NELL1: variants seen among roughly 807,000 people sequenced by gnomAD.
NELL1 encodes neural EGFL like 1, also known as protein kinase C-binding protein NELL1.
In NELL1, 76 loss-of-function variants were observed where a neutral mutation model predicts 107.4. That is an observed-to-expected ratio of 0.71 (90% CI 0.59 to 0.86). The LOEUF is 0.86. Among genes scored for constraint, NELL1 ranks in the 40% least tolerant of loss-of-function variants. The pLI is 0.00. For synonymous variants in NELL1, 353 were observed against 341.2 expected (o/e 1.03, Z -0.38); for missense variants, 1,024 against 1,005.5 (o/e 1.02, Z -0.25).
At chr11:21,482,414 C>G (rs2133901679) in intron 15 of NELL1, among the ~76,000 whole-genome samples, 1 of 152,310 alleles carries the variant, frequency 6.6e-6, no homozygotes, top group South Asian at 2.1e-4. Flanking sequence ...GTTAGCATGC[C>G]ATACCTCCAC....
At chr11:21,293,624 A>G (rs1849317090) in intron 14 of NELL1, among the ~76,000 whole-genome samples, 2 of 152,206 alleles carry the variant, frequency 1.3e-5, no homozygotes, top group Admixed American at 6.5e-5. Flanking sequence ...ATAAAGACAC[A>G]TGCACATGTG....
chr11:21,452,059 A>G (rs1254519248), intron 15 of NELL1, among the ~76,000 whole-genome samples: 4 of 152,228 alleles, frequency 2.6e-5, no homozygotes, highest in African/African-American at 9.6e-5. Flanking sequence ...GCAGTCTCAC[A>G]AATAATTTAG....
intron 4 of NELL1, among the ~76,000 whole-genome samples, chr11:20,861,731 A>T (rs1848983315): frequency 6.6e-6 from 1 of 152,210 alleles, no homozygotes; most frequent in Non-Finnish European, 1.5e-5. Flanking sequence ...AGGGTTAGAC[A>T]TCAGGTGAGC....
intron 3 of NELL1, among the ~76,000 whole-genome samples, chr11:20,826,734 C>T (rs1228587241): frequency 2.6e-5 from 4 of 151,076 alleles, no homozygotes; most frequent in African/African-American, 9.7e-5. Flanking sequence ...GCCATAAAAA[C>T]CCCTCCAAGC....
intron 13 of NELL1, among the ~76,000 whole-genome samples, chr11:21,205,707 C>T (rs946285351): frequency 4.6e-5 from 7 of 152,210 alleles, no homozygotes; most frequent in East Asian, 3.9e-4. Flanking sequence ...CCCAAATAGC[C>T]GTCCAGTTTA....
intron 14 of NELL1, among the ~76,000 whole-genome samples, chr11:21,269,835 C>A (rs545246008): frequency 2.0e-5 from 3 of 152,036 alleles, no homozygotes; most frequent in African/African-American, 7.2e-5. Flanking sequence ...TGTTCAAAAT[C>A]ATAGCAACAA....
intron 12 of NELL1, chr11:21,001,021 A>T (rs1364695020): frequency 6.6e-6 from 1 of 151,798 alleles, no homozygotes; most frequent in Non-Finnish European, 1.5e-5. Flanking sequence ...CTCACAAAGA[A>T]CTCTCTTTTC....
intron 14 of NELL1, among the ~76,000 whole-genome samples, chr11:21,297,747 A>G (rs2133967616): frequency 6.6e-6 from 1 of 152,190 alleles, no homozygotes; most frequent in Admixed American, 6.6e-5. Context: ...ATAATCAGGC[A>G]ATTATAATGG....
intron 2 of NELL1, among the ~76,000 whole-genome samples, chr11:20,693,781 G>A (rs1181284199): frequency 7.2e-5 from 11 of 151,768 alleles, no homozygotes; most frequent in Non-Finnish European, 1.5e-4. Flanking sequence ...TGCTCTTCTC[G>A]AGGAGTATCT....
At chr11:20,827,249 T>C (rs561828441) in intron 3 of NELL1, among the ~76,000 whole-genome samples, 37 of 151,398 alleles carry the variant, frequency 2.4e-4, no homozygotes, top group African/African-American at 8.2e-4. Context: ...AGTAAACTTA[T>C]GTTTTTATTC....
At chr11:21,175,703 A>G (rs1856697797) in intron 13 of NELL1, among the ~76,000 whole-genome samples, 2 of 151,900 alleles carry the variant, frequency 1.3e-5, no homozygotes, top group African/African-American at 4.9e-5. Context: ...AGTATAGAAG[A>G]AGCTTCAGAT....
intron 17 of NELL1, among the ~76,000 whole-genome samples, chr11:21,564,766 G>A (rs1294016224): frequency 1.3e-5 from 2 of 151,934 alleles, no homozygotes; most frequent in Non-Finnish European, 1.5e-5. Context: ...AGTATTCCAT[G>A]TTATAATAAA....
At chr11:21,038,962 A>AATC (rs549539447) in intron 12 of NELL1, among the ~76,000 whole-genome samples, 46 of 152,282 alleles carry the variant, frequency 3.0e-4, no homozygotes, top group South Asian at 1.7e-3. Flanking sequence ...TTCTGATGTG[A>AATC]ACTCCTTATC....
At chr11:20,842,411 CATTTCTTTCCAGAG>C (rs1848637665) in intron 3 of NELL1, among the ~76,000 whole-genome samples, 1 of 151,638 alleles carries the variant, frequency 6.6e-6, no homozygotes, top group Non-Finnish European at 1.5e-5. Flanking sequence ...ACAACTGTAG[CATTTCTTTCCAGAG>C]TGATGAGATT....
intron 11 of NELL1, among the ~76,000 whole-genome samples, chr11:20,951,875 C>T (rs1010540572): frequency 6.6e-6 from 1 of 152,026 alleles, no homozygotes; most frequent in African/African-American, 2.4e-5. Flanking sequence ...TCCTCTTTAC[C>T]TTGAGGTAAT....
chr11:20,708,221 C>T (rs1020534735), intron 2 of NELL1, among the ~76,000 whole-genome samples: 6 of 152,202 alleles, frequency 3.9e-5, no homozygotes, highest in African/African-American at 1.4e-4. Context: ...GGGAGTGTCC[C>T]GATTTTCCAG....
At chr11:20,865,065 A>C (rs1337021043) in intron 4 of NELL1, among the ~76,000 whole-genome samples, 3 of 152,102 alleles carry the variant, frequency 2.0e-5, no homozygotes, top group Non-Finnish European at 4.4e-5. Context: ...TGGATCCATG[A>C]CAGTTTTGGG....
intron 12 of NELL1, among the ~76,000 whole-genome samples, chr11:21,057,638 G>T (rs976748127): frequency 5.3e-5 from 8 of 151,788 alleles, no homozygotes; most frequent in Admixed American, 3.9e-4. Context: ...AATATGCAAT[G>T]AAAAGAAATG....
At chr11:20,868,680 G>A (rs754835807) in intron 4 of NELL1, among the ~76,000 whole-genome samples, 41 of 151,918 alleles carry the variant, frequency 2.7e-4, no homozygotes, top group Non-Finnish European at 3.5e-4. Context: ...ATTAAAAATC[G>A]CAATGCAAGG....
Sources: gnomAD v4.1 joint callset for allele counts (sites outside exome capture counted in the v4.1 genomes callset) on GRCh38, gnomAD v4.1.1 for gene constraint, MANE v1.5 for transcripts, NCBI Gene and HGNC (gene_info 2026-07-23, HGNC 2026-07-21) for gene names.